The following DOCK3 variants were observed in gnomAD, a reference collection of about 807,000 sequenced individuals.
DOCK3 encodes dedicator of cytokinesis protein 3.
A neutral mutation model predicts 265.6 loss-of-function variants in DOCK3; 60 were observed. The observed-to-expected ratio is 0.23, with a 90% CI of 0.18 to 0.28. The LOEUF (loss-of-function observed/expected upper bound fraction) is 0.28. Among genes scored for constraint, DOCK3 ranks in the 10% least tolerant of loss-of-function variants. The pLI, the probability that DOCK3 is intolerant of heterozygous loss-of-function variation, is 1.00. For synonymous variants in DOCK3, 881 were observed against 938.0 expected, an observed-to-expected ratio of 0.94 and a Z score of 1.11; for missense variants, 1,981 against 2,594.3, an observed-to-expected ratio of 0.76 and a Z score of 5.14.
intron 5 of DOCK3, among the ~76,000 whole-genome samples, chr3:51,006,385 C>T (rs1164410856): frequency 2.0e-5 from 3 of 151,878 alleles, no homozygotes; most frequent in Non-Finnish European, 4.4e-5. Context: ...TTGTGTATTG[C>T]TTACAGCCAA....
chr3:50,787,646 T>A, intron 2 of DOCK3: 1 of 1,299,994 alleles, frequency 7.7e-7, no homozygotes, highest in Non-Finnish European at 1.1e-6. Context: ...TCTGCACTCT[T>A]CCTGCAACCT....
chr3:50,925,824 C>CTTTTTTTTTTTTT lies in DOCK3; in HGVS notation c.219-8145_219-8133dup, dbSNP rs368819970. 1.5e-3 allele frequency among the ~76,000 whole-genome samples: 129 copies of CTTTTTTTTTTTTT among 88,412 alleles called. 13 individuals carry two copies. Among genetic ancestry groups the CTTTTTTTTTTTTT allele is most frequent in the African/African-American group, 6.4e-3 (125 of 19,388 alleles). 58.0% of individuals were successfully genotyped at this position (88,412 alleles called of 152,430 possible). A position where few individuals can be genotyped will look rare whatever the true frequency, so the allele number is the denominator to read the frequency against. ...TCAGCAGCTACTAGGTAAAACTAGT[C>CTTTTTTTTTTTTT]TTTTTTTTTTTTTTTTTTTTTTTTG... On this transcript the variant is annotated intron_variant, in intron 4 of 52. Transcript: ENST00000266037.
At chr3:51,326,583 TTTGTTGTTG>T (rs148344271) in intron 32 of DOCK3, among the ~76,000 whole-genome samples, 19,218 of 139,870 alleles carry the variant, frequency 0.14, 1,488 homozygotes, top group Non-Finnish European at 0.15. Context: ...CCTGGCATGT[TTTGTTGTTG>T]TTGTTGTTGT....
rs749471859 is a variant in DOCK3, at chr3:51,350,310, A to T, written c.4025A>T (p.Asp1342Val). ...CAGAAAATGGAGGCCAGCTACTATG[A>T]CAACATTATGGAGCAGCAACGCCTG... ...WIRKMEASYY[D>V]NIMEQQRLEP... The change falls in exon 40 of 53, where the codon GAC (aspartate) becomes GTC (valine). Residue 1342 changes from aspartate to valine, a missense_variant. Around this residue, in one of 4 missense-constraint regions of DOCK3, gnomAD observed 1,357 missense variants for 1,866.8 expected, o/e 0.73. Transcript: ENST00000266037. The T allele has an allele frequency of 6.2e-7, 1 of 1,606,410 alleles. No homozygotes were observed. Among genetic ancestry groups the T allele is most frequent in the African/African-American group, 1.3e-5 (1 of 74,384 alleles).
intron 4 of DOCK3, among the ~76,000 whole-genome samples, chr3:50,922,576 G>A (rs1337652059): frequency 6.6e-6 from 1 of 152,144 alleles, no homozygotes; most frequent in Non-Finnish European, 1.5e-5. Flanking sequence ...GATGAACCCG[G>A]TACCTCAATT....
At chr3:51,044,323 A>C (rs1448429677) in intron 5 of DOCK3, among the ~76,000 whole-genome samples, 1 of 152,074 alleles carries the variant, frequency 6.6e-6, no homozygotes, top group Non-Finnish European at 1.5e-5. Flanking sequence ...AAACTAACAC[A>C]AAAAAACAGA....
chr3:50,936,178 C>T (rs1431382322), intron 5 of DOCK3, among the ~76,000 whole-genome samples: 1 of 151,632 alleles, frequency 6.6e-6, no homozygotes, highest in African/African-American at 2.4e-5. Context: ...ATTATATGGG[C>T]TCAATAGCAG....
chr3:50,759,336 A>G (rs72943678), intron 1 of DOCK3, among the ~76,000 whole-genome samples: 20 of 152,218 alleles, frequency 1.3e-4, no homozygotes, highest in African/African-American at 3.6e-4. Flanking sequence ...CAGCAATGCA[A>G]AAAGGTTCTA....
At chr3:50,695,673 A>T (rs541280200) in intron 1 of DOCK3, among the ~76,000 whole-genome samples, 1 of 152,330 alleles carries the variant, frequency 6.6e-6, no homozygotes, top group Non-Finnish European at 1.5e-5. Flanking sequence ...AGAACTTTCC[A>T]CAATCCTCAG....
intron 3 of DOCK3, among the ~76,000 whole-genome samples, chr3:50,871,910 T>C (rs2047451162): frequency 6.6e-6 from 1 of 152,246 alleles, no homozygotes; most frequent in Admixed American, 6.5e-5. Context: ...CTTTGCTAAA[T>C]TTACCTGATA....
intron 9 of DOCK3, among the ~76,000 whole-genome samples, chr3:51,128,196 A>G (rs1437234879): frequency 6.6e-6 from 1 of 152,186 alleles, no homozygotes; most frequent in East Asian, 1.9e-4. Context: ...AAATTTTGCT[A>G]GTGGGTCACT....
At chr3:51,228,864 C>T (rs1021198408) in intron 18 of DOCK3, 32 bp downstream of exon 18, 16 of 1,606,588 alleles carry the variant, frequency 1.0e-5, no homozygotes, top group Non-Finnish European at 1.4e-5. Flanking sequence ...GTGGTGCCCT[C>T]CACCCTCCTC....
At chr3:51,265,385 G>A (rs1370729850) in intron 23 of DOCK3, among the ~76,000 whole-genome samples, 1 of 152,178 alleles carries the variant, frequency 6.6e-6, no homozygotes, top group Non-Finnish European at 1.5e-5. Flanking sequence ...AAACCTGGCA[G>A]GGACACAACA....
intron 1 of DOCK3, among the ~76,000 whole-genome samples, chr3:50,742,569 T>C (rs1386024572): frequency 6.6e-6 from 1 of 152,052 alleles, no homozygotes; most frequent in Non-Finnish European, 1.5e-5. Context: ...CAGGAGCCGA[T>C]GCGATCAACT....
At chr3:50,982,625 A>G (rs943889216) in intron 5 of DOCK3, among the ~76,000 whole-genome samples, 2 of 152,178 alleles carry the variant, frequency 1.3e-5, no homozygotes, top group Admixed American at 6.5e-5. Context: ...GGGTACAGGG[A>G]GGAGGTGGAG....
intron 1 of DOCK3, among the ~76,000 whole-genome samples, chr3:50,735,742 G>T (rs2038549537): frequency 6.6e-6 from 1 of 152,028 alleles, no homozygotes; most frequent in African/African-American, 2.4e-5. Flanking sequence ...GCCTGTTCTT[G>T]CACTGCTATA....
chr3:50,964,485 A>G (rs1401090127), intron 5 of DOCK3, among the ~76,000 whole-genome samples: 1 of 152,184 alleles, frequency 6.6e-6, no homozygotes, highest in Non-Finnish European at 1.5e-5. Flanking sequence ...GGGATAAAAT[A>G]TACACTGAAT....
chr3:51,149,459 C>T (rs139330034), intron 10 of DOCK3, among the ~76,000 whole-genome samples: 3,220 of 152,128 alleles, frequency 0.021, 50 homozygotes, highest in Middle Eastern at 0.037. Context: ...CCATTCAGTA[C>T]GATATTGGCT....
At chr3:51,090,555 G>A (rs570932521) in intron 9 of DOCK3, among the ~76,000 whole-genome samples, 171 bp downstream of exon 9, 5 of 152,260 alleles carry the variant, frequency 3.3e-5, no homozygotes, top group South Asian at 2.1e-4. Flanking sequence ...CTTAAGTCAC[G>A]TAAACCATAC....
Sources: gnomAD v4.1 joint callset for allele counts (sites outside exome capture counted in the v4.1 genomes callset) on GRCh38, gnomAD v4.1.1 for gene constraint, gnomAD v4.1.1 regional missense constraint, MANE v1.5 for transcripts, NCBI Gene and HGNC (gene_info 2026-07-23, HGNC 2026-07-21) for gene names.